Variants in TENM2 observed in about 807,000 individuals in gnomAD.
The protein encoded by TENM2 is teneurin transmembrane protein 2.
A neutral mutation model predicts 245.2 loss-of-function variants in TENM2; 52 were observed. That is an observed-to-expected ratio of 0.21 (90% CI 0.17 to 0.27). The LOEUF (loss-of-function observed/expected upper bound fraction) is 0.27, where lower values mean the gene tolerates loss of function less well. Ranked by LOEUF, TENM2 falls within the 10% of genes least tolerant of loss-of-function variation. The pLI is 1.00. For missense variants in TENM2, 3,046 were observed against 3,666.8 expected (o/e 0.83, Z 4.37); for synonymous variants, 1,363 against 1,438.9 (o/e 0.95, Z 1.19).
At chr5:167,288,273 C>T (rs920465281) in intron 1 of TENM2, among the ~76,000 whole-genome samples, 4 of 152,030 alleles carry the variant, frequency 2.6e-5, no homozygotes, top group Non-Finnish European at 4.4e-5. Context: ...GGAATAATGG[C>T]GAACAGGCGG....
the TENM2 span, among the ~76,000 whole-genome samples, chr5:167,052,765 T>TC: frequency 4.6e-5 from 7 of 151,986 alleles, no homozygotes; most frequent in Non-Finnish European, 8.8e-5. Context: ...ATATGAGTTT[T>TC]CTTTTTTTTT....
chr5:167,054,283 T>C, the TENM2 span, among the ~76,000 whole-genome samples: 2 of 152,348 alleles, frequency 1.3e-5, no homozygotes, highest in African/African-American at 4.8e-5. Flanking sequence ...GTTGGAATCA[T>C]ACCATATGTG....
At chr5:168,234,842 A>G (rs1581717398) in intron 25 of TENM2, among the ~76,000 whole-genome samples, 1 of 152,266 alleles carries the variant, frequency 6.6e-6, no homozygotes, top group Non-Finnish European at 1.5e-5. Context: ...GTAGCAGAAC[A>G]AAAGAAAAAT....
chr5:167,130,598 C>T, the TENM2 span, among the ~76,000 whole-genome samples: 2 of 152,158 alleles, frequency 1.3e-5, no homozygotes, highest in South Asian at 2.1e-4. Context: ...ATCCGAAGAG[C>T]CCTGCCATGT....
At chr5:168,262,820 C>A (rs781414719) in exon 29 of TENM2, 17 of 1,583,306 alleles carry the variant, frequency 1.1e-5, no homozygotes, top group East Asian at 2.3e-5. Context: ...ACAAAATAAT[C>A]TGCTGCCATT....
intron 2 of TENM2, 43 bp from the exon 5 acceptor site, chr5:167,875,943 G>A: frequency 7.2e-7 from 1 of 1,384,540 alleles, no homozygotes; most frequent in Non-Finnish European, 1.0e-6. Context: ...GTGCTCTCGT[G>A]ACACTCATTG....
In TENM2 at chr5:168,223,928, A is replaced by T. The variant is rs561729491; in HGVS notation, c.5109-2160A>T. Among the ~76,000 whole-genome samples the T allele has an allele frequency of 4.0e-5, 6 of 151,832 alleles. No individual in the cohort carries two copies. In the South Asian group the frequency reaches 6.2e-4, roughly 16 times the overall value. The stretch of plus-strand genomic sequence containing the variant: ...GATATTTTTTACCCCTCCCTGAAAA[A>T]AAAAGCTACTGTCAAGGGAGTATAT... On this transcript the variant is annotated intron_variant, in intron 23 of 28. Transcript: ENST00000518659.
intron 12 of TENM2, among the ~76,000 whole-genome samples, chr5:168,137,461 G>A (rs1487193914): frequency 6.6e-6 from 1 of 152,230 alleles, no homozygotes; most frequent in Non-Finnish European, 1.5e-5. Flanking sequence ...CAAGCACAGA[G>A]GAAATGTTTG....
At chr5:168,111,426 C>T (rs1448254671) in intron 9 of TENM2, among the ~76,000 whole-genome samples, 5 of 151,948 alleles carry the variant, frequency 3.3e-5, no homozygotes, top group African/African-American at 7.3e-5. Flanking sequence ...CTGGGCAGGA[C>T]GGTGGCAGGG....
chr5:167,433,138 C>G (rs562804083), intron 2 of TENM2, among the ~76,000 whole-genome samples: 23 of 151,292 alleles, frequency 1.5e-4, no homozygotes, highest in Admixed American at 1.5e-3. Context: ...TAGTAACAGA[C>G]ACATGCATTT....
intron 2 of TENM2, among the ~76,000 whole-genome samples, chr5:167,506,381 G>A (rs576676913): frequency 1.3e-5 from 2 of 152,220 alleles, no homozygotes; most frequent in Admixed American, 6.5e-5. Context: ...ATGAATAACA[G>A]GGAGATAACT....
At chr5:168,047,379 A>T in intron 5 of TENM2, 48 bp from the exon 8 acceptor site, 1 of 1,550,894 alleles carries the variant, frequency 6.4e-7, no homozygotes, top group African/African-American at 1.4e-5. Flanking sequence ...TGACATTTGC[A>T]TTGCTGAATT....
At chr5:167,865,485 G>A (rs1270973721) in intron 2 of TENM2, among the ~76,000 whole-genome samples, 1 of 151,988 alleles carries the variant, frequency 6.6e-6, no homozygotes, top group Non-Finnish European at 1.5e-5. Context: ...TGTTGCCCAG[G>A]CCAGTTTCAA....
At chr5:167,688,857 T>C (rs1757241761) in intron 2 of TENM2, among the ~76,000 whole-genome samples, 1 of 152,228 alleles carries the variant, frequency 6.6e-6, no homozygotes, top group South Asian at 2.1e-4. Flanking sequence ...TTTTCAGAAA[T>C]GGTTAATGAC....
chr5:168,034,338 C>T (rs1787468804), intron 5 of TENM2, among the ~76,000 whole-genome samples: 1 of 123,778 alleles, frequency 8.1e-6, no homozygotes, highest in Non-Finnish European at 1.7e-5. Context: ...GAGACTCCGT[C>T]TAAAAAAAAA....
the TENM2 span, among the ~76,000 whole-genome samples, chr5:167,231,608 C>A: frequency 5.3e-5 from 8 of 152,216 alleles, no homozygotes; most frequent in East Asian, 1.5e-3. Flanking sequence ...TAAAATTATT[C>A]AGTTTTAGGT....
At chr5:167,473,137 T>G (rs936765064) in intron 2 of TENM2, among the ~76,000 whole-genome samples, 2 of 152,222 alleles carry the variant, frequency 1.3e-5, no homozygotes, top group Admixed American at 1.3e-4. Flanking sequence ...AAAAAGACTT[T>G]GATATTTTTA....
At chr5:167,027,790 A>G in the TENM2 span, among the ~76,000 whole-genome samples, 5 of 152,266 alleles carry the variant, frequency 3.3e-5, no homozygotes, top group South Asian at 2.1e-4. Context: ...AAAATTTTAC[A>G]TAAGTGGGCT....
chr5:167,098,225 T>G, the TENM2 span, among the ~76,000 whole-genome samples: 2 of 152,368 alleles, frequency 1.3e-5, no homozygotes, highest in African/African-American at 4.8e-5. Flanking sequence ...TTTGATCTGA[T>G]GGACTGAACC....
Sources: allele counts gnomAD v4.1 joint callset (sites outside exome capture counted in the v4.1 genomes callset), GRCh38; gene constraint gnomAD v4.1.1; transcripts MANE v1.5; gene names NCBI Gene and HGNC (gene_info 2026-07-23, HGNC 2026-07-21).